DNAH3: variants seen among roughly 807,000 people sequenced by gnomAD.
The protein encoded by DNAH3 is dynein axonemal heavy chain 3.
A neutral mutation model predicts 432.5 loss-of-function variants in DNAH3; 332 were observed. The ratio of observed to expected loss-of-function variants is 0.77; its 90% CI spans 0.70 to 0.84. The LOEUF (loss-of-function observed/expected upper bound fraction) is 0.84. Ranked by LOEUF, DNAH3 falls within the 40% of genes least tolerant of loss-of-function variation. The probability of loss-of-function intolerance (pLI) is 0.00; values close to 1 mark genes in which losing one functional copy is unlikely to be tolerated. For missense variants in DNAH3, 4,861 were observed against 5,114.0 expected (o/e 0.95, Z 1.51); for synonymous variants, 1,956 against 1,900.2 (o/e 1.03, Z -0.76).
At chr16:21,098,843 C>G in intron 16 of DNAH3, 74 bp from the exon 17 acceptor site, 1 of 1,485,088 alleles carries the variant, frequency 6.7e-7, no homozygotes. Flanking sequence ...CACTGCTTGC[C>G]CATATTTAAG....
intron 44 of DNAH3, among the ~76,000 whole-genome samples, chr16:20,989,458 C>T (rs559680824): frequency 7.4e-5 from 11 of 148,074 alleles, no homozygotes; most frequent in Non-Finnish European, 1.3e-4. Context: ...TACAGAGTGT[C>T]GATTGGTGCA....
chr16:20,935,615 G>A, intron 60 of DNAH3, 130 bp from the exon 61 acceptor site: 1 of 983,384 alleles, frequency 1.0e-6, no homozygotes, highest in Non-Finnish European at 1.5e-6. Flanking sequence ...TCTTGGTTTA[G>A]CTTCTATCTT....
chr16:21,125,255 C>T, exon 9 of DNAH3: 1 of 1,613,756 alleles, frequency 6.2e-7, no homozygotes, highest in Non-Finnish European at 8.5e-7. Flanking sequence ...ATGAATGATG[C>T]CACAGAAGCA....
intron 37 of DNAH3, among the ~76,000 whole-genome samples, chr16:21,029,283 G>A (rs549909257): frequency 3.4e-4 from 51 of 152,196 alleles, no homozygotes; most frequent in African/African-American, 7.9e-4. Flanking sequence ...TAGCCCTTTC[G>A]TTGTTGAGCA....
chr16:20,962,385 T>C (rs953206572), intron 53 of DNAH3, among the ~76,000 whole-genome samples: 1 of 152,180 alleles, frequency 6.6e-6, no homozygotes, highest in African/African-American at 2.4e-5. Context: ...CTGTGGCCCG[T>C]GCATTGTGAG....
chr16:21,151,280 A>C (rs1408932951), intron 1 of DNAH3, among the ~76,000 whole-genome samples: 1 of 151,090 alleles, frequency 6.6e-6, no homozygotes, highest in Non-Finnish European at 1.5e-5. Context: ...AGCGATTTGC[A>C]TATAGTAGAA....
chr16:20,969,756 C>T (rs762054239), intron 52 of DNAH3, 36 bp downstream of exon 52: 1 of 1,610,356 alleles, frequency 6.2e-7, no homozygotes, highest in Middle Eastern at 1.7e-4. Context: ...CAGGAAAGAG[C>T]AGCCTGTGCA....
exon 59 of DNAH3, chr16:20,941,521 T>C (rs773988494): frequency 1.2e-6 from 2 of 1,614,082 alleles, no homozygotes; most frequent in Non-Finnish European, 1.7e-6. Context: ...GAGAATGTCT[T>C]GTGCCAACTC....
At chr16:21,148,054 C>A (rs61061596) in intron 1 of DNAH3, among the ~76,000 whole-genome samples, 7 of 152,080 alleles carry the variant, frequency 4.6e-5, no homozygotes, top group Non-Finnish European at 1.0e-4. Context: ...ATAAGATGAG[C>A]CAACATCGTA....
intron 36 of DNAH3, among the ~76,000 whole-genome samples, chr16:21,032,280 AATG>A (rs1315686609): frequency 3.9e-5 from 6 of 152,282 alleles, no homozygotes; most frequent in Non-Finnish European, 7.4e-5. Flanking sequence ...GGTTCTGAAA[AATG>A]ATGGTTACTT....
chr16:21,146,667 C>T (rs1336776058), intron 1 of DNAH3, among the ~76,000 whole-genome samples: 1 of 152,146 alleles, frequency 6.6e-6, no homozygotes, highest in African/African-American at 2.4e-5. Context: ...AGTCATCATG[C>T]TGTACAACAG....
In DNAH3 at chr16:20,946,760, T is replaced by G. The variant is rs144109062; in HGVS notation, c.11343+1723A>C. 8.6e-3 allele frequency among the ~76,000 whole-genome samples: 1,270 copies of G among 147,444 alleles called. 17 individuals carry two copies. Among genetic ancestry groups the G allele is most frequent in the African/African-American group, 0.03 (1,197 of 40,376 alleles). On this transcript the variant is annotated intron_variant, in intron 57 of 61. Transcript: ENST00000261383. ...GAATCTCTCTGACCTTCTCTTTCCC[T>G]CCTTTTACCTGCCCCCAAGCAAGAC...
At chr16:21,096,948 A>G (rs995991511) in intron 18 of DNAH3, among the ~76,000 whole-genome samples, 3 of 152,162 alleles carry the variant, frequency 2.0e-5, no homozygotes, top group Non-Finnish European at 4.4e-5. Context: ...CCCATATCGG[A>G]TCAATCATTA....
At chr16:20,944,650 T>G in exon 58 of DNAH3, 1 of 1,613,984 alleles carries the variant, frequency 6.2e-7, no homozygotes, top group East Asian at 2.2e-5. Flanking sequence ...ATTCCTGAGA[T>G]AGTCGATATA....
intron 7 of DNAH3, among the ~76,000 whole-genome samples, chr16:21,133,499 G>A (rs2092599238): frequency 6.6e-6 from 1 of 152,088 alleles, no homozygotes; most frequent in South Asian, 2.1e-4. Flanking sequence ...CCAGCACTTT[G>A]GGAGGCTGAG....
chr16:21,106,791 G>T, intron 14 of DNAH3, 117 bp from the exon 15 acceptor site: 1 of 953,752 alleles, frequency 1.0e-6, no homozygotes. Flanking sequence ...GAAAAAAAAA[G>T]AAAATTTTTT....
chr16:21,137,414 ATTG>A (rs2092658733), intron 5 of DNAH3, among the ~76,000 whole-genome samples: 1 of 145,700 alleles, frequency 6.9e-6, no homozygotes, highest in Non-Finnish European at 1.5e-5. Flanking sequence ...TCCAAGATCT[ATTG>A]TTGTTCTTTT....
At chr16:21,070,847 C>T (rs704554) in intron 21 of DNAH3, 21 bp from the exon 22 acceptor site, 292,173 of 1,416,806 alleles carry the variant, frequency 0.21, 33,069 homozygotes, top group East Asian at 0.48. Flanking sequence ...AGATGCCCCA[C>T]CCTGTCAAGA....
chr16:20,981,657 G>A (rs1465098001), intron 49 of DNAH3, among the ~76,000 whole-genome samples: 2 of 151,944 alleles, frequency 1.3e-5, no homozygotes, highest in Admixed American at 6.6e-5. Context: ...CCCGGGAGGC[G>A]GAGGTTGCTG....
Sources: allele counts gnomAD v4.1 joint callset (sites outside exome capture counted in the v4.1 genomes callset), GRCh38; gene constraint gnomAD v4.1.1; transcripts MANE v1.5; gene names NCBI Gene and HGNC (gene_info 2026-07-23, HGNC 2026-07-21).